The following HIKESHI variants were observed in gnomAD, a reference collection of about 807,000 sequenced individuals.
The protein encoded by HIKESHI is heat shock protein nuclear import factor hikeshi.
In HIKESHI, 13 loss-of-function variants were observed where a neutral mutation model predicts 25.7. That is an observed-to-expected ratio of 0.51 (90% confidence interval 0.33 to 0.80). The LOEUF (loss-of-function observed/expected upper bound fraction) is 0.80, where lower values mean the gene tolerates loss of function less well. HIKESHI is among the 30% of genes least tolerant of loss of function. The pLI is 0.02. For synonymous variants in HIKESHI, 76 were observed against 78.7 expected (o/e 0.97, Z 0.18); for missense variants, 174 against 229.5 (o/e 0.76, Z 1.56).
chr11:86,308,272 T>A lies in HIKESHI; in HGVS notation c.268+1790T>A, dbSNP rs1395056953. Among the ~76,000 whole-genome samples the A allele has an allele frequency of 6.9e-4, 15 of 21,602 alleles. 2 individuals are homozygous for A. Among genetic ancestry groups the A allele is most frequent in the African/African-American group, 1.9e-3 (14 of 7,392 alleles). The allele number at this position is 21,602 out of a possible 152,430, so 14.2% of individuals were successfully genotyped here. On this transcript the variant is annotated intron_variant, in intron 2 of 4. Coordinates refer to ENST00000278483, the MANE Select transcript of HIKESHI (RefSeq NM_016401.4). ...ATATATATTACATATAAAATGTGTATTATATATAAAATATATATTACATAT... is the reference window on the plus strand; with the variant it reads ...ATATATATTACATATAAAATGTGTAATATATATAAAATATATATTACATAT...
intron 2 of HIKESHI, 76 bp from the exon 3 acceptor site, chr11:86,337,303 C>T: frequency 7.2e-7 from 1 of 1,392,034 alleles, no homozygotes; most frequent in Non-Finnish European, 9.7e-7. Flanking sequence ...ATTAGAGGTT[C>T]TTTATAAATT....
intron 3 of HIKESHI, among the ~76,000 whole-genome samples, chr11:86,341,142 T>C (rs1947714779): frequency 6.6e-6 from 1 of 152,218 alleles, no homozygotes; most frequent in African/African-American, 2.4e-5. Flanking sequence ...TTCTATTTAT[T>C]TGCTAATATA....
chr11:86,327,993 A>G lies in HIKESHI; in HGVS notation c.269-9386A>G, dbSNP rs568915698. On this transcript the variant is annotated intron_variant, in intron 2 of 4. Coordinates refer to ENST00000278483, the MANE Select transcript of HIKESHI (RefSeq NM_016401.4). ...GACAGTTTTTAGAATCTTAGTAAAG[A>G]TACAGTGTACTTCGTACTACATGAA... Among the ~76,000 whole-genome samples the G allele has an allele frequency of 6.6e-5, 10 of 152,302 alleles. No individual in the cohort carries two copies. The East Asian group carries it at 1.7e-3, about 26-fold the overall frequency.
intron 2 of HIKESHI, among the ~76,000 whole-genome samples, chr11:86,336,163 C>G (rs1195373032): frequency 6.6e-6 from 1 of 152,088 alleles, no homozygotes; most frequent in Non-Finnish European, 1.5e-5. Context: ...TCAGTGAAGT[C>G]GAAGATAAAT....
At chr11:86,344,834 C>A in intron 4 of HIKESHI, 113 bp downstream of exon 4, 1 of 753,196 alleles carries the variant, frequency 1.3e-6, no homozygotes, top group East Asian at 2.6e-5. Context: ...TTGTGAACAT[C>A]AGCACTGCAT....
intron 2 of HIKESHI, among the ~76,000 whole-genome samples, chr11:86,320,052 T>C (rs907609932): frequency 6.6e-6 from 1 of 152,214 alleles, no homozygotes; most frequent in Non-Finnish European, 1.5e-5. Context: ...CTTCATTCTT[T>C]CTCTTTATGT....
At position 86,316,027 on chromosome 11, in the gene HIKESHI, C is replaced by T. The variant is rs144960588; in HGVS notation, c.268+9545C>T. ...GGGTGTGGTGGCACGTGCTAATAGT[C>T]GCAGCTACTCAGGAGATCAAGGTGA... On this transcript the variant is annotated intron_variant, in intron 2 of 4. Transcript: ENST00000278483. Among the ~76,000 whole-genome samples the T allele has an allele frequency of 6.7e-5, 10 of 148,570 alleles. No homozygotes were observed. In the East Asian group the frequency reaches 1.6e-3, roughly 24 times the overall value.
chr11:86,317,124 A>G (rs918377316), intron 2 of HIKESHI, among the ~76,000 whole-genome samples: 1 of 152,118 alleles, frequency 6.6e-6, no homozygotes. Flanking sequence ...CAAGGAACCA[A>G]AAGAAAGCTT....
chr11:86,322,485 G>A (rs1947176974), intron 2 of HIKESHI, among the ~76,000 whole-genome samples: 1 of 151,934 alleles, frequency 6.6e-6, no homozygotes, highest in Admixed American at 6.6e-5. Context: ...ATATATTCTT[G>A]ATACAAGTTC....
At chr11:86,329,182 G>T (rs1947360018) in intron 2 of HIKESHI, among the ~76,000 whole-genome samples, 1 of 109,450 alleles carries the variant, frequency 9.1e-6, no homozygotes. Flanking sequence ...AGGAAAACGT[G>T]ATGAGTTAAA....
At chr11:86,316,771 C>CTTTTTTTTTTTTTTTTTTTTTTTTTTT (rs71040229) in intron 2 of HIKESHI, among the ~76,000 whole-genome samples, 3 of 68,778 alleles carry the variant, frequency 4.4e-5, no homozygotes, top group Non-Finnish European at 8.0e-5. Flanking sequence ...CTGAAACATT[C>CTTTTTTTTTTTTTTTTTTTTTTTTTTT]TTTTTTTTTT....
intron 2 of HIKESHI, among the ~76,000 whole-genome samples, chr11:86,316,453 A>G (rs1946980577): frequency 6.6e-6 from 1 of 152,156 alleles, no homozygotes; most frequent in South Asian, 2.1e-4. Context: ...TGGAGGTTGC[A>G]GTGAGCCGAG....
intron 1 of HIKESHI, among the ~76,000 whole-genome samples, chr11:86,303,738 T>A (rs1436743755): frequency 6.6e-6 from 1 of 152,114 alleles, no homozygotes; most frequent in African/African-American, 2.4e-5. Flanking sequence ...CCTAGTGGCA[T>A]CTCAAAACTT....
intron 1 of HIKESHI, among the ~76,000 whole-genome samples, chr11:86,304,055 C>T (rs377495767): frequency 1.1e-4 from 17 of 151,952 alleles, no homozygotes; most frequent in African/African-American, 4.1e-4. Flanking sequence ...TTGTGTTATT[C>T]CTTTGTTTTA....
intron 2 of HIKESHI, among the ~76,000 whole-genome samples, chr11:86,329,016 A>G (rs1349138825): frequency 6.6e-6 from 1 of 151,978 alleles, no homozygotes; most frequent in African/African-American, 2.4e-5. Flanking sequence ...ATGGGTTATG[A>G]AATTTTGATG....
intron 2 of HIKESHI, among the ~76,000 whole-genome samples, chr11:86,326,330 A>C (rs1947282900): frequency 1.3e-5 from 2 of 152,138 alleles, no homozygotes; most frequent in Non-Finnish European, 2.9e-5. Flanking sequence ...AAAATAAAAT[A>C]AAAAGTGGGA....
At position 86,318,303 on chromosome 11, in the gene HIKESHI, C is replaced by CAAAAAAAAAAAA. The variant is rs71040230; in HGVS notation, c.268+11830_268+11841dup. ...TGGGCGACAGAGCAAGACTCCGTCT[C>CAAAAAAAAAAAA]AAAAAAAAAAAAAAAAAAAATCCTG... On this transcript the variant is annotated intron_variant, in intron 2 of 4. Coordinates refer to ENST00000278483, the MANE Select transcript of HIKESHI (RefSeq NM_016401.4). Among the ~76,000 whole-genome samples, 144 of 35,660 alleles carry CAAAAAAAAAAAA rather than the reference C, an allele frequency of 4.0e-3. 10 individuals carry two copies. Among genetic ancestry groups the CAAAAAAAAAAAA allele is most frequent in the African/African-American group, 7.7e-3 (73 of 9,512 alleles). 23.4% of individuals were successfully genotyped at this position (35,660 alleles called of 152,430 possible). A position where few individuals can be genotyped will look rare whatever the true frequency, so the allele number is the denominator to read the frequency against.
rs568286343 is a variant in HIKESHI, at chr11:86,319,633, T to C, written c.268+13151T>C. Among the ~76,000 whole-genome samples the C allele has an allele frequency of 3.3e-5, 5 of 152,092 alleles. No individual in the cohort carries two copies. The South Asian group carries it at 1.0e-3, about 32-fold the overall frequency. On this transcript the variant is annotated intron_variant, in intron 2 of 4. Transcript: ENST00000278483. Reference sequence around the variant, plus strand: ...TGTCAATGGTCTCAAAAGTTTTATGTTTATATAAGTTTTTAAATACTTTTA... The same window carrying C: ...TGTCAATGGTCTCAAAAGTTTTATGCTTATATAAGTTTTTAAATACTTTTA...
At chr11:86,339,291 G>A (rs1384709262) in intron 3 of HIKESHI, among the ~76,000 whole-genome samples, 2 of 152,046 alleles carry the variant, frequency 1.3e-5, no homozygotes, top group Non-Finnish European at 2.9e-5. Flanking sequence ...CTCGTTATCC[G>A]CCTGCCTTGG....
Sources: gnomAD v4.1 joint callset for allele counts (sites outside exome capture counted in the v4.1 genomes callset) on GRCh38, gnomAD v4.1.1 for gene constraint, MANE v1.5 for transcripts, NCBI Gene and HGNC (gene_info 2026-07-23, HGNC 2026-07-21) for gene names.